The following PTPRD variants were observed in gnomAD, a reference collection of about 807,000 sequenced individuals.
PTPRD encodes receptor-type tyrosine-protein phosphatase delta.
PTPRD carries 34 observed loss-of-function variants against 214.5 expected under a neutral mutation model. The ratio of observed to expected loss-of-function variants is 0.16; its 90% CI spans 0.12 to 0.21. The LOEUF (loss-of-function observed/expected upper bound fraction) is 0.21. Ranked by LOEUF, PTPRD falls within the 10% of genes least tolerant of loss-of-function variation. The pLI is 1.00. For synonymous variants in PTPRD, 1,128 were observed against 845.7 expected, an observed-to-expected ratio of 1.33 and a Z score of -5.79; for missense variants, 2,545 against 2,398.7, an observed-to-expected ratio of 1.06 and a Z score of -1.27.
At chr9:10,407,084 C>T (rs1022356433) in intron 2 of PTPRD, among the ~76,000 whole-genome samples, 12 of 151,482 alleles carry the variant, frequency 7.9e-5, no homozygotes, top group Non-Finnish European at 1.6e-4. Context: ...TAATGCCCAA[C>T]GTCTTCTCAC....
rs74865440 is a variant in PTPRD at position 8,505,236 on chromosome 9, T to G, written c.1678-831A>C. 1.1e-4 allele frequency among the ~76,000 whole-genome samples: 16 copies of G among 152,290 alleles called. No individual in the cohort carries two copies. In the East Asian group the frequency reaches 2.9e-3, roughly 28 times the overall value. Reference sequence around the variant, plus strand: ...TTGAACATCAGCCTGCAGTAAACCTTAAAATGCAAGTGAATACATAATCTA... The same window carrying G: ...TTGAACATCAGCCTGCAGTAAACCTGAAAATGCAAGTGAATACATAATCTA... On this transcript the variant is annotated intron_variant, in intron 22 of 45. Coordinates refer to ENST00000381196, the MANE Select transcript of PTPRD (RefSeq NM_002839.4).
At chr9:9,436,795 T>A (rs2085425252) in intron 8 of PTPRD, among the ~76,000 whole-genome samples, 1 of 151,966 alleles carries the variant, frequency 6.6e-6, no homozygotes, top group African/African-American at 2.4e-5. Flanking sequence ...GTCAAGCAAA[T>A]CTGTACCGCA....
intron 7 of PTPRD, among the ~76,000 whole-genome samples, chr9:9,605,544 G>T (rs1345859443): frequency 2.6e-5 from 4 of 152,016 alleles, no homozygotes; most frequent in African/African-American, 9.7e-5. Context: ...AGACTATATG[G>T]TTTGCTAATG....
intron 11 of PTPRD, among the ~76,000 whole-genome samples, chr9:8,838,936 T>G (rs2097499726): frequency 6.6e-6 from 1 of 152,114 alleles, no homozygotes; most frequent in African/African-American, 2.4e-5. Context: ...TCAACAGATT[T>G]GACTATATAA....
At chr9:9,592,383 TTCTTCCTCCATG>T (rs1224425490) in intron 7 of PTPRD, among the ~76,000 whole-genome samples, 1 of 152,104 alleles carries the variant, frequency 6.6e-6, no homozygotes, top group Non-Finnish European at 1.5e-5. Flanking sequence ...GTCGTTGTGT[TTCTTCCTCCATG>T]TATGCTTATA....
chr9:8,728,089 A>C (rs2098606220), intron 12 of PTPRD, among the ~76,000 whole-genome samples: 1 of 152,176 alleles, frequency 6.6e-6, no homozygotes, highest in Non-Finnish European at 1.5e-5. Flanking sequence ...CTCTACTAAA[A>C]ACACAAAAAA....
intron 5 of PTPRD, among the ~76,000 whole-genome samples, chr9:9,874,398 C>T (rs2066286399): frequency 6.6e-6 from 1 of 152,006 alleles, no homozygotes. Context: ...TACAGGATAT[C>T]AATATTATAT....
At chr9:10,350,036 T>G (rs1411151195) in intron 2 of PTPRD, among the ~76,000 whole-genome samples, 1 of 152,184 alleles carries the variant, frequency 6.6e-6, no homozygotes, top group Non-Finnish European at 1.5e-5. Flanking sequence ...TCAAATTACC[T>G]TGGAGGACAA....
intron 3 of PTPRD, among the ~76,000 whole-genome samples, chr9:10,286,292 A>G (rs1024495215): frequency 1.3e-5 from 2 of 152,072 alleles, no homozygotes; most frequent in African/African-American, 4.8e-5. Context: ...AAATTCAAAA[A>G]TTAGCCAGGC....
chr9:9,061,461 T>A (rs1163010934), intron 10 of PTPRD, among the ~76,000 whole-genome samples: 1 of 152,186 alleles, frequency 6.6e-6, no homozygotes, highest in East Asian at 1.9e-4. Context: ...GAATATATTA[T>A]GATTCTTTAG....
intron 3 of PTPRD, among the ~76,000 whole-genome samples, chr9:10,038,060 T>C (rs1481516922): frequency 6.6e-6 from 1 of 152,160 alleles, no homozygotes; most frequent in Non-Finnish European, 1.5e-5. Context: ...AAATGCAGAC[T>C]TGAATTTATT....
At chr9:9,386,949 A>G (rs866205533) in intron 9 of PTPRD, among the ~76,000 whole-genome samples, 6 of 152,192 alleles carry the variant, frequency 3.9e-5, no homozygotes, top group Non-Finnish European at 7.4e-5. Context: ...TGCAAAATCT[A>G]CAGAATGAGA....
At chr9:8,513,813 A>T (rs1274850537) in intron 21 of PTPRD, among the ~76,000 whole-genome samples, 3 of 152,064 alleles carry the variant, frequency 2.0e-5, no homozygotes, top group Non-Finnish European at 4.4e-5. Flanking sequence ...TTTTTAATTA[A>T]GCCTATAGAA....
intron 6 of PTPRD, among the ~76,000 whole-genome samples, chr9:9,746,785 G>A (rs1046104501): frequency 1.6e-4 from 24 of 151,366 alleles, no homozygotes; most frequent in Non-Finnish European, 3.2e-4. Flanking sequence ...TTACTTCAGG[G>A]TGTGAAGATA....
intron 2 of PTPRD, among the ~76,000 whole-genome samples, chr9:10,429,757 G>A (rs934411136): frequency 6.6e-6 from 1 of 150,656 alleles, no homozygotes; most frequent in Non-Finnish European, 1.5e-5. Context: ...TGGAAGGGGG[G>A]AGGATGATGA....
At chr9:9,294,828 T>A (rs2134303554) in intron 9 of PTPRD, among the ~76,000 whole-genome samples, 1 of 151,818 alleles carries the variant, frequency 6.6e-6, no homozygotes, top group East Asian at 2.0e-4. Context: ...ATGTGCACTA[T>A]TAAGATTAGG....
At chr9:10,483,885 A>T (rs1359756346) in intron 2 of PTPRD, among the ~76,000 whole-genome samples, 1 of 152,092 alleles carries the variant, frequency 6.6e-6, no homozygotes, top group Non-Finnish European at 1.5e-5. Context: ...CAAGGAACTA[A>T]AAGTAGATCC....
chr9:9,135,978 A>G (rs2099850191), intron 10 of PTPRD, among the ~76,000 whole-genome samples: 1 of 150,780 alleles, frequency 6.6e-6, no homozygotes, highest in Admixed American at 6.6e-5. Flanking sequence ...AAATCATCTT[A>G]TAAATTATAT....
chr9:8,573,743 G>T (rs1348142236), intron 14 of PTPRD, among the ~76,000 whole-genome samples: 3 of 151,810 alleles, frequency 2.0e-5, no homozygotes, highest in Non-Finnish European at 4.4e-5. Context: ...AAAAGCATCA[G>T]TAGGAGTATT....
Sources: gnomAD v4.1 joint callset for allele counts (sites outside exome capture counted in the v4.1 genomes callset) on GRCh38, gnomAD v4.1.1 for gene constraint, MANE v1.5 for transcripts, NCBI Gene and HGNC (gene_info 2026-07-23, HGNC 2026-07-21) for gene names.